Variants in DYRK4 observed in about 807,000 individuals in gnomAD.
DYRK4 encodes the protein dual specificity tyrosine-phosphorylation-regulated kinase 4.
A neutral mutation model predicts 68.3 loss-of-function variants in DYRK4; 64 were observed. The observed-to-expected ratio is 0.94, with a 90% CI of 0.77 to 1.15. The LOEUF (loss-of-function observed/expected upper bound fraction) is 1.15. DYRK4 is among the 50% of genes most tolerant of loss of function. The pLI is 0.00. For synonymous variants in DYRK4, 274 were observed against 289.9 expected (o/e 0.95, Z 0.56); for missense variants, 740 against 764.7 (o/e 0.97, Z 0.38).
chr12:4,612,510 C>T, intron 13 of DYRK4, 33 bp from the exon 14 acceptor site: 1 of 1,580,336 alleles, frequency 6.3e-7, no homozygotes, highest in African/African-American at 1.4e-5. Flanking sequence ...GGAAATAAAA[C>T]AATAACCCAT....
intron 1 of DYRK4, 113 bp from the exon 2 acceptor site, chr12:4,567,842 C>A: frequency 2.3e-6 from 2 of 856,876 alleles, no homozygotes; most frequent in South Asian, 1.7e-5. Flanking sequence ...TGCTTTTAGG[C>A]CTGTTGCCTT....
chr12:4,602,663 G>A, intron 10 of DYRK4: 3 of 1,414,750 alleles, frequency 2.1e-6, no homozygotes, highest in South Asian at 1.2e-5. Context: ...AACACCTGCT[G>A]AGGGTCATTT....
chr12:4,570,215 G>C (rs1435220978), intron 2 of DYRK4, among the ~76,000 whole-genome samples: 1 of 151,592 alleles, frequency 6.6e-6, no homozygotes, highest in Non-Finnish European at 1.5e-5. Context: ...CATCCAGCCT[G>C]GTCAACAGAA....
chr12:4,613,356 TTAGAA>T lies in DYRK4; in HGVS notation c.1667-156_1667-152del, dbSNP rs1326583968. 6.6e-6 allele frequency among the ~76,000 whole-genome samples: 1 copy of T among 152,222 alleles called. No homozygotes were observed. Among genetic ancestry groups the T allele is most frequent in the Non-Finnish European group, 1.5e-5 (1 of 68,032 alleles). On this transcript the variant is annotated intron_variant, in intron 14 of 14. Coordinates refer to ENST00000543431, the MANE Select transcript of DYRK4 (RefSeq NM_001394779.1). The surrounding 1 kb of genome is among the most constrained non-coding windows in gnomAD (Gnocchi z 4.0). ...AGACGAATTAGTAAATGTACAGTGC[TTAGAA>T]TAATGCCCGGCACATTGGAGGTGCT...
chr12:4,584,478 T>C (rs913902814), intron 2 of DYRK4, among the ~76,000 whole-genome samples: 2 of 151,518 alleles, frequency 1.3e-5, no homozygotes, highest in African/African-American at 4.8e-5. Flanking sequence ...TTATTTTGCA[T>C]AAATGCCAGG....
intron 2 of DYRK4, among the ~76,000 whole-genome samples, chr12:4,572,068 G>A (rs1278575239): frequency 1.3e-5 from 2 of 152,182 alleles, no homozygotes; most frequent in African/African-American, 4.8e-5. Context: ...AAAACAGGCC[G>A]TAAAACTCTC....
chr12:4,562,311 C>A, intron 1 of DYRK4, 28 bp downstream of exon 1: 1 of 1,529,846 alleles, frequency 6.5e-7, no homozygotes, highest in African/African-American at 1.4e-5. Flanking sequence ...TCGTACTTCA[C>A]GAGCAGTCAG....
Position 4,591,348 on chromosome 12 carries a change from G to A in DYRK4, c.463+50G>A, listed in dbSNP as rs377404251. 27 of 1,601,364 alleles carry A rather than the reference G, an allele frequency of 1.7e-5. No homozygotes were observed. The African/African-American group carries it at 2.3e-4, about 14-fold the overall frequency. ...GTGGGGAGGTGCTTATGGAAGGTCGGGGTGTTAAGAGCTAAGCTGCGCTGG... is the reference window on the plus strand; with the variant it reads ...GTGGGGAGGTGCTTATGGAAGGTCGAGGTGTTAAGAGCTAAGCTGCGCTGG... On this transcript the variant is annotated intron_variant, in intron 5 of 14. Transcript: ENST00000543431. This position sits in a 1 kb window ranked among gnomAD's most constrained non-coding sequence, Gnocchi z 4.1.
chr12:4,581,165 G>C (rs1220754722), intron 2 of DYRK4, among the ~76,000 whole-genome samples: 1 of 152,154 alleles, frequency 6.6e-6, no homozygotes, highest in Non-Finnish European at 1.5e-5. Context: ...GAGAGCCTGT[G>C]CTTGCTGGGG....
At chr12:4,602,976 C>A in intron 10 of DYRK4, 1 of 884,798 alleles carries the variant, frequency 1.1e-6, no homozygotes, top group Non-Finnish European at 1.8e-6. Context: ...AATTTTCACT[C>A]CCTTTTATCA....
chr12:4,604,909 C>A lies in DYRK4; in HGVS notation c.1127-5C>A, dbSNP rs1945123689. The A allele has an allele frequency of 1.9e-6, 3 of 1,585,500 alleles. No homozygotes were observed. The highest frequency in any genetic ancestry group is 2.3e-5 in the East Asian group (1 of 43,540). ...CACGAGGTTTCTCTTACTTTGCCTC[C>A]GCAGTATACACGTACATCCAAAGCC... On this transcript the variant is annotated splice_region_variant and splice_polypyrimidine_tract_variant and intron_variant, in intron 10 of 14. Coordinates refer to ENST00000543431, the MANE Select transcript of DYRK4 (RefSeq NM_001394779.1).
At chr12:4,584,048 G>A (rs906913096) in intron 2 of DYRK4, among the ~76,000 whole-genome samples, 10 of 152,168 alleles carry the variant, frequency 6.6e-5, no homozygotes, top group Non-Finnish European at 1.0e-4. Context: ...GGGAAGATGA[G>A]AAAAATTTGT....
intron 2 of DYRK4, chr12:4,573,409 C>G (rs1036084951): frequency 7.8e-7 from 1 of 1,284,384 alleles, no homozygotes; most frequent in East Asian, 5.6e-5. Context: ...AATTTCCAAT[C>G]AAAGAAAGGA....
Position 4,605,072 on chromosome 12 carries a change from G to T in DYRK4, c.1285G>T (p.Ala429Ser). The stretch of plus-strand genomic sequence containing the variant: ...CGGGGAGAATGAGGTGGAGCAGCTG[G>T]CCTGCATCATGGAGGTACGCGGAGG... ...FPGENEVEQL[A>S]CIMEVLGLPP... Residue 429 changes from alanine to serine, a missense_variant, in exon 11 of 15, where the codon GCC becomes TCC. By Grantham distance (99) the Ala-to-Ser change is moderately conservative. Coordinates refer to ENST00000543431, the MANE Select transcript of DYRK4 (RefSeq NM_001394779.1). 1 of 1,613,000 alleles carries T rather than the reference G, an allele frequency of 6.2e-7. No homozygotes were observed. Among genetic ancestry groups the T allele is most frequent in the Non-Finnish European group, 8.5e-7 (1 of 1,179,486 alleles).
At chr12:4,608,291 ATTG>A (rs1945177071) in intron 12 of DYRK4, among the ~76,000 whole-genome samples, 1 of 152,124 alleles carries the variant, frequency 6.6e-6, no homozygotes, top group Admixed American at 6.5e-5. Flanking sequence ...CTGACCAGCC[ATTG>A]TTGTCAGGTC....
chr12:4,599,667 G>C (rs758446003), intron 9 of DYRK4, 40 bp from the exon 10 acceptor site: 1 of 1,521,688 alleles, frequency 6.6e-7, no homozygotes, highest in South Asian at 1.1e-5. Flanking sequence ...GCCTAGGGCC[G>C]CATTACTGTA....
intron 1 of DYRK4, chr12:4,563,130 A>G (rs1287732799): frequency 2.2e-6 from 1 of 456,022 alleles, no homozygotes; most frequent in South Asian, 1.5e-5. Flanking sequence ...AACAAATGAA[A>G]ATGTCCTTTG....
At chr12:4,586,912 G>A (rs1468258435) in intron 2 of DYRK4, among the ~76,000 whole-genome samples, 1 of 152,156 alleles carries the variant, frequency 6.6e-6, no homozygotes, top group Non-Finnish European at 1.5e-5. Context: ...TCCTCACAGT[G>A]TTTTGAGGTT....
intron 10 of DYRK4, chr12:4,602,420 T>A: frequency 3.0e-6 from 3 of 984,944 alleles, no homozygotes; most frequent in Non-Finnish European, 4.9e-6. Flanking sequence ...TTGAGGTCAC[T>A]GATGAGATAT....
Sources: allele counts gnomAD v4.1 joint callset (sites outside exome capture counted in the v4.1 genomes callset), GRCh38; gene constraint gnomAD v4.1.1; non-coding constraint Gnocchi (gnomAD v3.1); transcripts MANE v1.5; gene names NCBI Gene and HGNC (gene_info 2026-07-23, HGNC 2026-07-21).